PHTF2: variants seen among roughly 807,000 people sequenced by gnomAD.
The protein encoded by PHTF2 is putative homeodomain transcription factor 2, also known as protein PHTF2.
A neutral mutation model predicts 101.2 loss-of-function variants in PHTF2; 60 were observed. The observed-to-expected ratio is 0.59, with a 90% CI of 0.48 to 0.73. The LOEUF is 0.73. Ranked by LOEUF, PHTF2 falls within the 30% of genes least tolerant of loss-of-function variation. The pLI is 0.00. For synonymous variants in PHTF2, 311 were observed against 307.3 expected, an observed-to-expected ratio of 1.01 and a Z score of -0.13; for missense variants, 747 against 908.7, an observed-to-expected ratio of 0.82 and a Z score of 2.29.
intron 7 of PHTF2, among the ~76,000 whole-genome samples, chr7:77,902,713 G>T (rs1801508868): frequency 6.6e-6 from 1 of 150,592 alleles, no homozygotes. Flanking sequence ...TTTTTAATAT[G>T]TGATTAAAAA....
intron 11 of PHTF2, among the ~76,000 whole-genome samples, chr7:77,926,294 A>C (rs1038700035): frequency 2.6e-5 from 4 of 152,174 alleles, no homozygotes; most frequent in Non-Finnish European, 4.4e-5. Flanking sequence ...GCTAATGAAA[A>C]CTGGTGACAT....
In PHTF2 at chr7:77,821,115, C is replaced by T. The variant is rs1794252165; in HGVS notation, c.-35-19106C>T. Among the ~76,000 whole-genome samples the T allele has an allele frequency of 2.2e-5, 3 of 134,432 alleles. No homozygotes were observed. The South Asian group carries it at 7.3e-4, about 33-fold the overall frequency. The allele number at this position is 134,432 out of a possible 152,430, so 88.2% of individuals were successfully genotyped here. Reference sequence around the variant, plus strand: ...AGATAGCTTTGCTGGATATAATATTCTTGGATGGCAGTTTTTTTTTTTTCT... The same window carrying T: ...AGATAGCTTTGCTGGATATAATATTTTTGGATGGCAGTTTTTTTTTTTTCT... On this transcript the variant is annotated intron_variant, in intron 1 of 19. Transcript: ENST00000416283.
chr7:77,915,857 G>C (rs1802865787), intron 9 of PHTF2, among the ~76,000 whole-genome samples: 1 of 152,090 alleles, frequency 6.6e-6, no homozygotes, highest in African/African-American at 2.4e-5. Context: ...TACTAGCCTT[G>C]CTGTCCAGGT....
At chr7:77,874,384 G>A (rs1192603091) in intron 3 of PHTF2, among the ~76,000 whole-genome samples, 2 of 152,118 alleles carry the variant, frequency 1.3e-5, no homozygotes, top group African/African-American at 2.4e-5. Context: ...TAGAGGGACA[G>A]AACTAATGGA....
chr7:77,881,328 A>G (rs887515656), intron 3 of PHTF2, among the ~76,000 whole-genome samples: 1 of 151,804 alleles, frequency 6.6e-6, no homozygotes, highest in Non-Finnish European at 1.5e-5. Flanking sequence ...TCCCCTCCAT[A>G]TATATGTTTA....
At chr7:77,879,804 A>G (rs955568981) in intron 3 of PHTF2, among the ~76,000 whole-genome samples, 3 of 152,164 alleles carry the variant, frequency 2.0e-5, no homozygotes, top group Non-Finnish European at 4.4e-5. Flanking sequence ...ATTTTCATAA[A>G]TTGATTTTGA....
chr7:77,944,096 A>T (rs764671648), intron 16 of PHTF2, among the ~76,000 whole-genome samples: 5 of 152,230 alleles, frequency 3.3e-5, no homozygotes, highest in Non-Finnish European at 5.9e-5. Context: ...AGTTCATAAG[A>T]TAATAAAGGG....
intron 3 of PHTF2, among the ~76,000 whole-genome samples, chr7:77,882,298 A>T (rs551909515): frequency 6.6e-6 from 1 of 152,270 alleles, no homozygotes; most frequent in South Asian, 2.1e-4. Context: ...CGAATTCTAG[A>T]AATCTGTTTT....
chr7:77,841,601 C>T (rs1479369057), intron 2 of PHTF2, among the ~76,000 whole-genome samples: 1 of 152,070 alleles, frequency 6.6e-6, no homozygotes, highest in Non-Finnish European at 1.5e-5. Context: ...TAGTAGATGG[C>T]ATGGGATTAT....
chr7:77,823,078 C>G (rs1272786826), intron 1 of PHTF2, among the ~76,000 whole-genome samples: 126 of 148,238 alleles, frequency 8.5e-4, no homozygotes, highest in African/African-American at 2.9e-3. Flanking sequence ...CTAATTTTTT[C>G]TATTTTTAGT....
intron 14 of PHTF2, 90 bp downstream of exon 13, chr7:77,940,392 T>A (rs1805542082): frequency 1.5e-6 from 2 of 1,308,366 alleles, no homozygotes; most frequent in Non-Finnish European, 2.1e-6. Flanking sequence ...TTTCATTATA[T>A]CATTTTTACC....
Position 77,900,789 on chromosome 7 carries a change from G to T in PHTF2, c.286+9G>T. 7.2e-7 allele frequency: 1 copy of T among 1,384,416 alleles called. No individual in the cohort carries two copies. Among genetic ancestry groups the T allele is most frequent in the South Asian group, 1.2e-5 (1 of 86,022 alleles). 85.8% of individuals were successfully genotyped at this position (1,384,416 alleles called of 1,614,324 possible). A position where few individuals can be genotyped will look rare whatever the true frequency, so the allele number is the denominator to read the frequency against. ...TGTTGATCTTGTAAGAGGTGAGTCT[G>T]ATAAATAAATGCTTAATACAAGTAG... On this transcript the variant is annotated intron_variant, in intron 6 of 19. Coordinates refer to ENST00000416283, the Ensembl canonical transcript of PHTF2.
intron 1 of PHTF2, among the ~76,000 whole-genome samples, chr7:77,802,429 A>C (rs1183931898): frequency 6.6e-6 from 1 of 152,218 alleles, no homozygotes; most frequent in Non-Finnish European, 1.5e-5. Context: ...GATGGTTGCC[A>C]TCCCTTAACC....
At chr7:77,806,938 T>C (rs1335145289) in intron 1 of PHTF2, among the ~76,000 whole-genome samples, 1 of 152,220 alleles carries the variant, frequency 6.6e-6, no homozygotes, top group African/African-American at 2.4e-5. Flanking sequence ...TTTGTGCTGT[T>C]ATTTGTGCTG....
intron 11 of PHTF2, among the ~76,000 whole-genome samples, chr7:77,924,783 T>C (rs1407909145): frequency 1.3e-5 from 2 of 152,156 alleles, no homozygotes; most frequent in African/African-American, 4.8e-5. Flanking sequence ...GGGATGGGGG[T>C]AGTAGATAAT....
intron 19 of PHTF2, among the ~76,000 whole-genome samples, chr7:77,954,610 GTGTA>G (rs781354189): frequency 0.13 from 10,456 of 82,360 alleles, 612 homozygotes; most frequent in East Asian, 0.37. Flanking sequence ...AACAAGTACT[GTGTA>G]TATATATATA....
intron 2 of PHTF2, among the ~76,000 whole-genome samples, chr7:77,843,725 CT>C: frequency 6.6e-6 from 1 of 152,268 alleles, no homozygotes; most frequent in South Asian, 2.1e-4. Flanking sequence ...TTCTCAGCCT[CT>C]TTTCAATCAT....
intron 2 of PHTF2, among the ~76,000 whole-genome samples, chr7:77,847,310 A>G (rs985808174): frequency 5.9e-5 from 9 of 152,168 alleles, no homozygotes; most frequent in Non-Finnish European, 8.8e-5. Context: ...CGCTTATTAC[A>G]TTTTCACTTT....
intron 1 of PHTF2, among the ~76,000 whole-genome samples, chr7:77,825,461 C>T (rs1794634164): frequency 6.6e-6 from 1 of 152,190 alleles, no homozygotes; most frequent in South Asian, 2.1e-4. Flanking sequence ...GCAACAAGCA[C>T]TGGCATTTTG....
Sources: allele counts gnomAD v4.1 joint callset (sites outside exome capture counted in the v4.1 genomes callset), GRCh38; gene constraint gnomAD v4.1.1; transcripts MANE v1.5; gene names NCBI Gene and HGNC (gene_info 2026-07-23, HGNC 2026-07-21).